METAP2: variants seen among roughly 807,000 people sequenced by gnomAD.
METAP2 encodes the protein methionyl aminopeptidase 2, also known as methionine aminopeptidase 2.
METAP2 carries 25 observed loss-of-function variants against 59.4 expected under a neutral mutation model. The ratio of observed to expected loss-of-function variants is 0.42; its 90% CI spans 0.31 to 0.59. The LOEUF is 0.59. METAP2 is among the 20% of genes least tolerant of loss of function. The probability of loss-of-function intolerance (pLI) is 0.16; values close to 1 mark genes in which losing one functional copy is unlikely to be tolerated. For missense variants in METAP2, 366 were observed against 581.2 expected, an observed-to-expected ratio of 0.63 and a Z score of 3.81; for synonymous variants, 214 against 194.1, an observed-to-expected ratio of 1.10 and a Z score of -0.85.
chr12:95,482,373 A>G (rs957467211), intron 2 of METAP2, among the ~76,000 whole-genome samples: 22 of 152,098 alleles, frequency 1.4e-4, no homozygotes, highest in African/African-American at 5.3e-4. Context: ...TCAGCCTCCC[A>G]AAGTGCTAGG....
intron 4 of METAP2, among the ~76,000 whole-genome samples, chr12:95,490,857 T>C (rs1218954133): frequency 6.6e-6 from 1 of 152,162 alleles, no homozygotes; most frequent in Non-Finnish European, 1.5e-5. Flanking sequence ...GATTGTTTCC[T>C]TGTTGGGGGT....
chr12:95,507,962 T>TTA (rs2076374570), intron 8 of METAP2, among the ~76,000 whole-genome samples: 3 of 146,298 alleles, frequency 2.1e-5, no homozygotes, highest in Non-Finnish European at 1.5e-5. Context: ...TTTTTTTTTT[T>TTA]AGTAGATGTG....
intron 7 of METAP2, among the ~76,000 whole-genome samples, chr12:95,498,981 G>T (rs930634502): frequency 6.6e-6 from 1 of 150,822 alleles, no homozygotes; most frequent in African/African-American, 2.4e-5. Flanking sequence ...ACGCCACTGC[G>T]TTCCAGCCTG....
chr12:95,493,999 G>C, intron 4 of METAP2, 57 bp from the exon 5 acceptor site: 3 of 1,459,186 alleles, frequency 2.1e-6, no homozygotes, highest in Non-Finnish European at 2.9e-6. Context: ...ATAGTTGTCA[G>C]CTTTTATGCT....
intron 2 of METAP2, among the ~76,000 whole-genome samples, chr12:95,478,438 C>T (rs756262103): frequency 6.6e-6 from 1 of 151,998 alleles, no homozygotes; most frequent in Non-Finnish European, 1.5e-5. Context: ...CAAAACCAGC[C>T]TTACCAACAT....
chr12:95,484,824 C>T (rs1328660817), intron 3 of METAP2: 4 of 454,034 alleles, frequency 8.8e-6, no homozygotes, highest in Non-Finnish European at 1.3e-5. Context: ...ATGTTGGCTA[C>T]TAAAGGGCTT....
chr12:95,507,148 T>C (rs1420610270), intron 8 of METAP2, among the ~76,000 whole-genome samples: 4 of 152,304 alleles, frequency 2.6e-5, no homozygotes, highest in Admixed American at 2.6e-4. Context: ...TCAGGCAGTT[T>C]TTACTTGGAG....
At chr12:95,484,492 TAA>T (rs543386243) in intron 3 of METAP2, among the ~76,000 whole-genome samples, 25 of 142,154 alleles carry the variant, frequency 1.8e-4, no homozygotes, top group African/African-American at 2.6e-4. Context: ...TTTCTTAAAT[TAA>T]AAAAAAAAAA....
chr12:95,513,674 T>A lies in METAP2; in HGVS notation c.1207T>A (p.Leu403Ile). The change falls in exon 11 of 11, where the codon TTA (leucine) becomes ATA (isoleucine). Residue 403 changes from leucine (L) to isoleucine (I), a missense_variant. Transcript: ENST00000323666. ...TAGGCTTCCAAGAACAAAACACTTG[T>A]TAAATGTCATCAATGAAAACTTTGG... Reference protein sequence around the residue: ...PIRLPRTKHLLNVINENFGTL... With the variant: ...PIRLPRTKHLINVINENFGTL... 1 of 1,614,144 alleles carries A rather than the reference T, an allele frequency of 6.2e-7. No homozygotes were observed. The highest frequency in any genetic ancestry group is 1.1e-5 in the South Asian group (1 of 91,064).
intron 2 of METAP2, among the ~76,000 whole-genome samples, chr12:95,479,634 G>A (rs888500070): frequency 3.5e-4 from 51 of 147,582 alleles, no homozygotes; most frequent in African/African-American, 1.2e-3. Flanking sequence ...TTTTTGAGAC[G>A]GAGTCTCACT....
rs536449493 is a variant in METAP2, at chr12:95,482,968, C to T, written c.260-247C>T. Among the ~76,000 whole-genome samples, 4 of 152,290 alleles carry T rather than the reference C, an allele frequency of 2.6e-5. No homozygotes were observed. In the South Asian group the frequency reaches 6.2e-4, roughly 24 times the overall value. The stretch of plus-strand genomic sequence containing the variant: ...CTCACTATGTTGCCCAAGCTGGATT[C>T]CAACTCCTTGGCTCAAGTGATCCTC... On this transcript the variant is annotated intron_variant, in intron 2 of 10. Coordinates refer to ENST00000323666, the MANE Select transcript of METAP2 (RefSeq NM_006838.4).
At chr12:95,500,187 T>G (rs2076305120) in intron 7 of METAP2, among the ~76,000 whole-genome samples, 2 of 152,228 alleles carry the variant, frequency 1.3e-5, no homozygotes. Flanking sequence ...GGAATTGTTT[T>G]TGTAATTTCC....
intron 6 of METAP2, among the ~76,000 whole-genome samples, chr12:95,495,575 A>C (rs1468429774): frequency 2.6e-5 from 4 of 152,154 alleles, no homozygotes; most frequent in Admixed American, 1.3e-4. Context: ...TATCTTACTT[A>C]CAAGTGAGAA....
chr12:95,492,816 G>A (rs1240946691), intron 4 of METAP2, among the ~76,000 whole-genome samples: 1 of 152,042 alleles, frequency 6.6e-6, no homozygotes, highest in Non-Finnish European at 1.5e-5. Context: ...CCTTGGCCAG[G>A]GTCTGTAGTT....
chr12:95,489,857 C>G (rs2076224230), intron 4 of METAP2, among the ~76,000 whole-genome samples: 1 of 152,084 alleles, frequency 6.6e-6, no homozygotes, highest in Non-Finnish European at 1.5e-5. Context: ...ACCCAAAAAA[C>G]TTCTTATTTT....
At chr12:95,508,902 G>A (rs1352116303) in intron 8 of METAP2, among the ~76,000 whole-genome samples, 2 of 151,892 alleles carry the variant, frequency 1.3e-5, no homozygotes, top group Non-Finnish European at 2.9e-5. Context: ...TTAGTTTAAG[G>A]CAACAATCCA....
chr12:95,505,974 G>A (rs1264620904), intron 8 of METAP2, among the ~76,000 whole-genome samples: 2 of 151,664 alleles, frequency 1.3e-5, no homozygotes, highest in Admixed American at 1.3e-4. Flanking sequence ...GCACACACCT[G>A]TAATCTCAGC....
chr12:95,475,696 G>A (rs1455495198), intron 1 of METAP2, among the ~76,000 whole-genome samples: 2 of 152,066 alleles, frequency 1.3e-5, no homozygotes, highest in Non-Finnish European at 2.9e-5. Context: ...AGGCTGCCCC[G>A]GGGTGTTGCA....
At chr12:95,476,418 A>G (rs1187624861) in intron 2 of METAP2, among the ~76,000 whole-genome samples, 1 of 152,116 alleles carries the variant, frequency 6.6e-6, no homozygotes, top group Non-Finnish European at 1.5e-5. Flanking sequence ...AAGCTGAGGC[A>G]GGAGAATTGC....
Sources: gnomAD v4.1 joint callset for allele counts (sites outside exome capture counted in the v4.1 genomes callset) on GRCh38, gnomAD v4.1.1 for gene constraint, MANE v1.5 for transcripts, NCBI Gene and HGNC (gene_info 2026-07-23, HGNC 2026-07-21) for gene names.